AATF: variants seen among roughly 807,000 people sequenced by gnomAD.
AATF encodes the protein protein AATF.
A neutral mutation model predicts 63.7 loss-of-function variants in AATF; 48 were observed. The observed-to-expected ratio is 0.75, with a 90% CI of 0.60 to 0.96. The LOEUF (loss-of-function observed/expected upper bound fraction) is 0.96, where lower values mean the gene tolerates loss of function less well. Among genes scored for constraint, AATF ranks in the 40% least tolerant of loss-of-function variants. The pLI, the probability that AATF is intolerant of heterozygous loss-of-function variation, is 0.00. For missense variants in AATF, 639 were observed against 685.7 expected (o/e 0.93, Z 0.76); for synonymous variants, 258 against 247.7 (o/e 1.04, Z -0.39).
At chr17:36,995,935 T>C (rs887165715) in intron 8 of AATF, among the ~76,000 whole-genome samples, 1 of 152,104 alleles carries the variant, frequency 6.6e-6, no homozygotes, top group African/African-American at 2.4e-5. Flanking sequence ...TAATAACATG[T>C]TTTTAAGTCT....
chr17:36,949,614 C>A (rs1482962368), intron 1 of AATF, among the ~76,000 whole-genome samples: 5 of 152,224 alleles, frequency 3.3e-5, no homozygotes, highest in African/African-American at 1.2e-4. Flanking sequence ...GGTTGCCCTT[C>A]AAAACTAAGT....
At chr17:37,022,113 C>CGTGTGTGTGTGTGTGTGTGT (rs71159679) in intron 10 of AATF, among the ~76,000 whole-genome samples, 1 of 145,334 alleles carries the variant, frequency 6.9e-6, no homozygotes, top group African/African-American at 2.6e-5. Flanking sequence ...TGGTAACTGC[C>CGTGTGTGTGTGTGTGTGTGT]GTGTGTGTGT....
chr17:36,991,311 G>T (rs2071212854), intron 8 of AATF, among the ~76,000 whole-genome samples: 4 of 152,192 alleles, frequency 2.6e-5, no homozygotes, highest in African/African-American at 9.7e-5. Context: ...TTTTGTGCCT[G>T]TCGAAGTCAG....
At chr17:36,971,409 C>T (rs2071038375) in intron 4 of AATF, among the ~76,000 whole-genome samples, 1 of 152,164 alleles carries the variant, frequency 6.6e-6, no homozygotes, top group South Asian at 2.1e-4. Context: ...AAATACACAC[C>T]TGACAACACC....
At chr17:36,978,968 A>C (rs1269174713) in intron 4 of AATF, among the ~76,000 whole-genome samples, 1 of 151,858 alleles carries the variant, frequency 6.6e-6, no homozygotes, top group Non-Finnish European at 1.5e-5. Context: ...TGCTTTAATA[A>C]TTTTTCCTCA....
At chr17:36,995,074 G>T (rs1414116175) in intron 8 of AATF, among the ~76,000 whole-genome samples, 1 of 152,232 alleles carries the variant, frequency 6.6e-6, no homozygotes, top group African/African-American at 2.4e-5. Flanking sequence ...GATGTTGACA[G>T]ATCAATACCT....
intron 4 of AATF, among the ~76,000 whole-genome samples, chr17:36,980,798 A>G (rs1225503571): frequency 6.6e-6 from 1 of 152,150 alleles, no homozygotes; most frequent in East Asian, 1.9e-4. Context: ...CTAGAAGGAA[A>G]TGCAGCCCTA....
chr17:37,013,187 G>A (rs2071404819), intron 8 of AATF, among the ~76,000 whole-genome samples: 1 of 152,174 alleles, frequency 6.6e-6, no homozygotes. Context: ...CTCCAGTGAA[G>A]ATATACAAAT....
intron 4 of AATF, among the ~76,000 whole-genome samples, chr17:36,983,043 T>A (rs1409085045): frequency 1.3e-5 from 2 of 152,174 alleles, no homozygotes; most frequent in African/African-American, 4.8e-5. Context: ...TTTTAATTTT[T>A]AAAAATTTTA....
intron 4 of AATF, among the ~76,000 whole-genome samples, chr17:36,978,098 A>G (rs908155319): frequency 1.3e-5 from 2 of 152,144 alleles, no homozygotes; most frequent in African/African-American, 2.4e-5. Context: ...CACACTATCT[A>G]TCATGTTACT....
chr17:37,029,944 C>T (rs1020841875), intron 10 of AATF, among the ~76,000 whole-genome samples: 12 of 152,272 alleles, frequency 7.9e-5, no homozygotes, highest in African/African-American at 2.4e-4. Flanking sequence ...CTCAGGTGAT[C>T]TTCTGCCTGG....
At chr17:36,959,419 G>C (rs910141846) in intron 4 of AATF, among the ~76,000 whole-genome samples, 5 of 152,202 alleles carry the variant, frequency 3.3e-5, no homozygotes, top group African/African-American at 1.2e-4. Flanking sequence ...CTCCAGCCTG[G>C]GTGACAGAGC....
Position 36,950,394 on chromosome 17 carries a change from C to A in AATF, c.272C>A (p.Pro91Gln). The change falls in exon 2 of 12, where the codon CCA becomes CAA. Residue 91 changes from proline (P) to glutamine (Q), a missense_variant. Physicochemically the swap from Pro to Gln is moderately conservative, Grantham distance 76. Coordinates refer to ENST00000619387, the MANE Select transcript of AATF (RefSeq NM_012138.4). ...WNEDHWEQTLPGSSDEEISDE... is the reference protein window; with the variant it reads ...WNEDHWEQTLQGSSDEEISDE... ...GAAGACCATTGGGAGCAGACTCTGCCAGGATCGTCTGGTGAGTAGACATTT... is the reference window on the plus strand; with the variant it reads ...GAAGACCATTGGGAGCAGACTCTGCAAGGATCGTCTGGTGAGTAGACATTT... The A allele has an allele frequency of 6.2e-7, 1 of 1,613,992 alleles. No homozygotes were observed. Among genetic ancestry groups the A allele is most frequent in the Non-Finnish European group, 8.5e-7 (1 of 1,179,856 alleles).
chr17:37,039,372 A>G (rs1416161948), intron 11 of AATF, among the ~76,000 whole-genome samples: 1 of 152,252 alleles, frequency 6.6e-6, no homozygotes, highest in Non-Finnish European at 1.5e-5. Context: ...ATCAGCAAGA[A>G]CAAGAGTGAT....
At chr17:37,000,441 C>T (rs1183119549) in intron 8 of AATF, among the ~76,000 whole-genome samples, 2 of 152,178 alleles carry the variant, frequency 1.3e-5, no homozygotes, top group African/African-American at 4.8e-5. Flanking sequence ...CCCCTCCTCC[C>T]AACCCCTGTG....
At chr17:36,978,745 A>G (rs2142234658) in intron 4 of AATF, among the ~76,000 whole-genome samples, 1 of 152,048 alleles carries the variant, frequency 6.6e-6, no homozygotes, top group East Asian at 1.9e-4. Flanking sequence ...ATAGCAACTT[A>G]TCCAAATGGT....
At chr17:36,972,813 G>A (rs1196115520) in intron 4 of AATF, among the ~76,000 whole-genome samples, 1 of 151,972 alleles carries the variant, frequency 6.6e-6, no homozygotes, top group Non-Finnish European at 1.5e-5. Flanking sequence ...TCAGTTTTAG[G>A]TTTACATTTT....
At chr17:37,041,983 A>G (rs1037346625) in intron 11 of AATF, among the ~76,000 whole-genome samples, 8 of 152,032 alleles carry the variant, frequency 5.3e-5, no homozygotes, top group African/African-American at 1.9e-4. Context: ...ATGTATTTCT[A>G]TCATTTGTAG....
intron 4 of AATF, among the ~76,000 whole-genome samples, chr17:36,984,187 C>T (rs539698460): frequency 4.5e-4 from 69 of 152,208 alleles, no homozygotes; most frequent in South Asian, 4.1e-4. Flanking sequence ...GATTGTTGAA[C>T]GGAAGTAGGG....
Sources: allele counts gnomAD v4.1 joint callset (sites outside exome capture counted in the v4.1 genomes callset), GRCh38; gene constraint gnomAD v4.1.1; transcripts MANE v1.5; gene names NCBI Gene and HGNC (gene_info 2026-07-23, HGNC 2026-07-21).